Variants in GNG7 observed in about 807,000 individuals in gnomAD.
The protein encoded by GNG7 is G protein subunit gamma 7, also known as guanine nucleotide-binding protein G(I)/G(S)/G(O) subunit gamma-7.
GNG7 carries 1 observed loss-of-function variant against 4.0 expected under a neutral mutation model. That is an observed-to-expected ratio of 0.25 (90% CI 0.09 to 1.18). The LOEUF (loss-of-function observed/expected upper bound fraction) is 1.18. Ranked by LOEUF, GNG7 falls within the 50% of genes most tolerant of loss-of-function variation. The pLI is 0.50. For missense variants in GNG7, 86 were observed against 91.9 expected (o/e 0.94, Z 0.26); for synonymous variants, 34 against 36.9 (o/e 0.92, Z 0.29).
chr19:2,571,099 G>A (rs546742640), intron 2 of GNG7, among the ~76,000 whole-genome samples: 2 of 148,652 alleles, frequency 1.3e-5, no homozygotes, highest in African/African-American at 4.9e-5. Context: ...ACCGTGCCCG[G>A]CGGAGTTGTC....
At chr19:2,644,505 TAAAATA>T (rs1190056292) in intron 2 of GNG7, among the ~76,000 whole-genome samples, 32 of 151,668 alleles carry the variant, frequency 2.1e-4, no homozygotes, top group African/African-American at 7.7e-4. Context: ...AAAAAAATCA[TAAAATA>T]AAAAGAAAAC....
chr19:2,539,230 A>G (rs1978861856), intron 3 of GNG7, among the ~76,000 whole-genome samples: 1 of 152,090 alleles, frequency 6.6e-6, no homozygotes, highest in Non-Finnish European at 1.5e-5. Flanking sequence ...CTTGCATAGT[A>G]ATCAGAATTG....
chr19:2,645,243 C>T (rs77526812), intron 2 of GNG7, among the ~76,000 whole-genome samples: 52 of 135,476 alleles, frequency 3.8e-4, no homozygotes, highest in Non-Finnish European at 4.5e-4. Context: ...CTCTCTCTCT[C>T]TTTTTTTTTT....
In GNG7 at chr19:2,614,021, CA is replaced by C. The variant is rs1274846317; in HGVS notation, c.-78+32202del. 3.3e-5 allele frequency among the ~76,000 whole-genome samples: 5 copies of C among 152,226 alleles called. No homozygotes were observed. Among genetic ancestry groups the C allele is most frequent in the Non-Finnish European group, 5.9e-5 (4 of 68,046 alleles). On this transcript the variant is annotated intron_variant, in intron 2 of 4. Transcript: ENST00000382159. This position sits in a 1 kb window ranked among gnomAD's most constrained non-coding sequence, Gnocchi z 6.0. ...AGGCCGGCAAGTGCAATGCAGAATC[CA>C]CCCAGGGAACTCGGGCCCCGCGCCT...
chr19:2,638,696 A>C (rs910873850), intron 2 of GNG7, among the ~76,000 whole-genome samples: 7 of 148,792 alleles, frequency 4.7e-5, no homozygotes, highest in African/African-American at 1.7e-4. Flanking sequence ...AGCACCCCCC[A>C]GTCGTGACAA....
Position 2,512,430 on chromosome 19 carries a change from T to C in GNG7, c.*2592A>G. Reference sequence around the variant, plus strand: ...CCACAGGCTTCTGGCAATGGCCACCTCCCTGGGGTCCGGGAGATGGTGGGG... The same window carrying C: ...CCACAGGCTTCTGGCAATGGCCACCCCCCTGGGGTCCGGGAGATGGTGGGG... On this transcript the variant is annotated 3_prime_UTR_variant, in exon 5 of 5. Transcript: ENST00000382159. The surrounding 1 kb of genome is among the most constrained non-coding windows in gnomAD (Gnocchi z 4.7). The C allele has an allele frequency of 3.2e-6, 3 of 929,720 alleles. No homozygotes were observed. Among genetic ancestry groups the C allele is most frequent in the Non-Finnish European group, 3.8e-6 (3 of 779,512 alleles). 57.6% of individuals were successfully genotyped at this position (929,720 alleles called of 1,614,324 possible).
intron 3 of GNG7, among the ~76,000 whole-genome samples, chr19:2,551,040 C>T (rs761451699): frequency 2.0e-4 from 30 of 152,178 alleles, no homozygotes; most frequent in Non-Finnish European, 3.2e-4. Flanking sequence ...CTAATCCCCA[C>T]GGCACGTGGC....
chr19:2,524,987 C>T (rs1364661196), intron 3 of GNG7, among the ~76,000 whole-genome samples: 1 of 151,852 alleles, frequency 6.6e-6, no homozygotes, highest in Non-Finnish European at 1.5e-5. Context: ...ATCACCCATG[C>T]AGTCGCCTCC....
intron 2 of GNG7, among the ~76,000 whole-genome samples, chr19:2,563,038 G>C (rs551637634): frequency 1.3e-5 from 2 of 151,894 alleles, no homozygotes; most frequent in East Asian, 3.9e-4. Flanking sequence ...TCCTCCTCCC[G>C]GGTTCACGCC....
chr19:2,682,270 G>A (rs775423142), intron 1 of GNG7, among the ~76,000 whole-genome samples: 9 of 152,182 alleles, frequency 5.9e-5, no homozygotes, highest in Non-Finnish European at 1.0e-4. Context: ...CTAGAAGGAA[G>A]CCGGAGTTTT....
chr19:2,575,982 GAC>G (rs1209718480), intron 2 of GNG7, among the ~76,000 whole-genome samples: 1 of 143,816 alleles, frequency 7.0e-6, no homozygotes, highest in East Asian at 2.1e-4. Flanking sequence ...CATGCAGGCA[GAC>G]ACACACATGC....
At chr19:2,548,669 A>G (rs1164652938) in intron 3 of GNG7, among the ~76,000 whole-genome samples, 1 of 151,866 alleles carries the variant, frequency 6.6e-6, no homozygotes, top group Non-Finnish European at 1.5e-5. Flanking sequence ...CTCGTCTGAA[A>G]TTCCAGCTAC....
intron 2 of GNG7, among the ~76,000 whole-genome samples, chr19:2,574,049 C>T (rs1980232814): frequency 1.3e-5 from 2 of 152,108 alleles, no homozygotes; most frequent in African/African-American, 4.8e-5. Flanking sequence ...AGAGATGCTG[C>T]CTTCTCACCT....
At position 2,512,516 on chromosome 19, in the gene GNG7, TC is replaced by T; in HGVS notation, c.*2505del. On this transcript the variant is annotated 3_prime_UTR_variant, in exon 5 of 5. Coordinates refer to ENST00000382159, the MANE Select transcript of GNG7 (RefSeq NM_052847.3). The surrounding 1 kb of genome is among the most constrained non-coding windows in gnomAD (Gnocchi z 4.7). Reference sequence around the variant, plus strand: ...AGTGAAGGAGAGGCCAGCCTGTCCTTCCCCTCCCCGAGCCTCAGTTTACCTG... The same window carrying T: ...AGTGAAGGAGAGGCCAGCCTGTCCTTCCCTCCCCGAGCCTCAGTTTACCTG... The T allele has an allele frequency of 3.5e-6, 1 of 282,254 alleles. No homozygotes were observed. Among genetic ancestry groups the T allele is most frequent in the Non-Finnish European group, 5.3e-6 (1 of 187,352 alleles). 17.5% of individuals were successfully genotyped at this position (282,254 alleles called of 1,614,324 possible). A position where few individuals can be genotyped will look rare whatever the true frequency, so the allele number is the denominator to read the frequency against.
intron 2 of GNG7, among the ~76,000 whole-genome samples, chr19:2,556,389 G>C (rs1355102004): frequency 1.3e-5 from 2 of 152,204 alleles, no homozygotes; most frequent in Non-Finnish European, 2.9e-5. Context: ...GGGCTGGGCC[G>C]GGTTCACGTG....
At chr19:2,548,859 G>A (rs1469697390) in intron 3 of GNG7, among the ~76,000 whole-genome samples, 1 of 151,794 alleles carries the variant, frequency 6.6e-6, no homozygotes, top group Non-Finnish European at 1.5e-5. Context: ...TGACCCTAAT[G>A]TCAGAGATGC....
At chr19:2,607,574 A>AAAG (rs1198881522) in intron 2 of GNG7, among the ~76,000 whole-genome samples, 1 of 85,448 alleles carries the variant, frequency 1.2e-5, no homozygotes, top group African/African-American at 3.2e-5. Flanking sequence ...AAAAAAAAAA[A>AAAG]AAAAAGAAAG....
At chr19:2,639,092 C>T (rs550565701) in intron 2 of GNG7, among the ~76,000 whole-genome samples, 2 of 152,012 alleles carry the variant, frequency 1.3e-5, no homozygotes, top group South Asian at 2.1e-4. Context: ...CAAAAATTAG[C>T]TGGGCATGGT....
chr19:2,532,955 A>G (rs1978640436), intron 3 of GNG7, among the ~76,000 whole-genome samples: 1 of 152,162 alleles, frequency 6.6e-6, no homozygotes. Context: ...GATTTATTCA[A>G]GATAAATAAA....
Sources: allele counts gnomAD v4.1 joint callset (sites outside exome capture counted in the v4.1 genomes callset), GRCh38; gene constraint gnomAD v4.1.1; non-coding constraint Gnocchi (gnomAD v3.1); transcripts MANE v1.5; gene names NCBI Gene and HGNC (gene_info 2026-07-23, HGNC 2026-07-21).